The following FANCA variants were observed in gnomAD, a reference collection of about 807,000 sequenced individuals.
FANCA encodes Fanconi anemia group A protein.
FANCA carries 236 observed loss-of-function variants against 194.3 expected under a neutral mutation model. That is an observed-to-expected ratio of 1.21 (90% confidence interval 1.09 to 1.35). The LOEUF (loss-of-function observed/expected upper bound fraction) is 1.35, where lower values mean the gene tolerates loss of function less well. Ranked by LOEUF, FANCA falls within the 40% of genes most tolerant of loss-of-function variation. The probability of loss-of-function intolerance (pLI) is 0.00; values close to 1 mark genes in which losing one functional copy is unlikely to be tolerated. For missense variants in FANCA, 2,628 were observed against 1,813.9 expected (o/e 1.45, Z -8.15); for synonymous variants, 1,014 against 715.8 (o/e 1.42, Z -6.65).
chr16:89,783,758 G>A (rs2039803220), intron 15 of FANCA, among the ~76,000 whole-genome samples: 1 of 151,954 alleles, frequency 6.6e-6, no homozygotes, highest in African/African-American at 2.4e-5. Context: ...GGACAGAGGG[G>A]ACACAGCGTG....
At chr16:89,762,173 A>G (rs1771723476) in intron 28 of FANCA, 151 bp from the exon 29 acceptor site, 1 of 713,240 alleles carries the variant, frequency 1.4e-6, no homozygotes, top group African/African-American at 1.7e-5. Flanking sequence ...CACAGGAAAG[A>G]AACCTTAGTT....
rs55827051 is a variant in FANCA, at chr16:89,779,207, G to C, written c.1716-204C>G. Reference sequence around the variant, plus strand: ...CCCAGCCCTGAGTCCGTGGGAATCAGGACCACATTCGGCCTGCTCCCTGGG... The same window carrying C: ...CCCAGCCCTGAGTCCGTGGGAATCACGACCACATTCGGCCTGCTCCCTGGG... On this transcript the variant is annotated intron_variant, in intron 18 of 42. Coordinates refer to ENST00000389301, the MANE Select transcript of FANCA (RefSeq NM_000135.4). Among the ~76,000 whole-genome samples, 842 of 152,254 alleles carry C rather than the reference G, an allele frequency of 5.5e-3. 6 individuals are homozygous for C. The highest frequency in any genetic ancestry group is 0.02 in the African/African-American group (814 of 41,560).
chr16:89,776,237 G>A (rs1310294011), intron 20 of FANCA, among the ~76,000 whole-genome samples: 2 of 135,668 alleles, frequency 1.5e-5, no homozygotes, highest in African/African-American at 2.8e-5. Context: ...GTGCGATCTC[G>A]GCTCACTGCA....
chr16:89,741,970 A>C (rs1228744204), intron 37 of FANCA, among the ~76,000 whole-genome samples: 1 of 149,336 alleles, frequency 6.7e-6, no homozygotes, highest in African/African-American at 2.6e-5. Flanking sequence ...TACTTTAAAC[A>C]AATTTTTTTT....
At chr16:89,744,094 C>A (rs1469689697) in intron 36 of FANCA, among the ~76,000 whole-genome samples, 10 of 152,116 alleles carry the variant, frequency 6.6e-5, no homozygotes. Context: ...GATTGTTTCA[C>A]ATGTTGGCCA....
intron 29 of FANCA, among the ~76,000 whole-genome samples, chr16:89,759,636 C>A (rs2038882459): frequency 6.6e-6 from 1 of 152,120 alleles, no homozygotes; most frequent in Admixed American, 6.6e-5. Context: ...TAGTGCCCAC[C>A]TGTGGTCCCA....
At chr16:89,772,550 G>A (rs2039361960) in intron 22 of FANCA, among the ~76,000 whole-genome samples, 1 of 151,546 alleles carries the variant, frequency 6.6e-6, no homozygotes, top group African/African-American at 2.4e-5. Flanking sequence ...AGGCACGGTG[G>A]CTCACACTGA....
At chr16:89,763,651 C>G (rs1044237590) in intron 28 of FANCA, among the ~76,000 whole-genome samples, 1 of 151,842 alleles carries the variant, frequency 6.6e-6, no homozygotes, top group Non-Finnish European at 1.5e-5. Flanking sequence ...AAAACAAGTT[C>G]CCAGGGGCCG....
chr16:89,781,243 A>G (rs1035936065), intron 17 of FANCA, among the ~76,000 whole-genome samples: 1 of 150,276 alleles, frequency 6.7e-6, no homozygotes, highest in Non-Finnish European at 1.5e-5. Context: ...GGGTGCCTGT[A>G]GTCCCAGCTA....
rs1326963514 is a variant in FANCA, at chr16:89,816,566, C to T, written c.50G>A (p.Gly17Asp). The T allele has an allele frequency of 3.3e-6, 5 of 1,513,120 alleles. No individual in the cohort carries two copies. The African/African-American group carries it at 4.3e-5, about 13-fold the overall frequency. 93.7% of individuals were successfully genotyped at this position (1,513,120 alleles called of 1,614,324 possible). The change falls in exon 1 of 43, where the codon GGC (glycine) becomes GAC (aspartate). Residue 17 changes from glycine to aspartate, a missense_variant. Transcript: ENST00000389301. ...CAGCTCGGCCCAGGCCCTCCGGCGG[C>T]CCCCTGGGTCCTGGCCCGAGGCGGA... ...PNSASGQDPG[G>D]RRRAWAELLA...
intron 14 of FANCA, among the ~76,000 whole-genome samples, chr16:89,790,073 G>A (rs17746039): frequency 6.6e-6 from 1 of 152,154 alleles, no homozygotes; most frequent in Non-Finnish European, 1.5e-5. Flanking sequence ...TACGGCTGAA[G>A]AAATGAAGTA....
intron 15 of FANCA, among the ~76,000 whole-genome samples, chr16:89,783,569 A>C (rs2283567): frequency 0.074 from 11,137 of 151,488 alleles, 588 homozygotes; most frequent in East Asian, 0.22. Flanking sequence ...AAAACAACAA[A>C]AAAAAAACAC....
At chr16:89,810,267 G>A (rs2040825091) in intron 5 of FANCA, among the ~76,000 whole-genome samples, 1 of 150,028 alleles carries the variant, frequency 6.7e-6, no homozygotes, top group African/African-American at 2.5e-5. Context: ...GGCTTGCAGT[G>A]AGCCAAGATC....
chr16:89,741,134 C>T (rs773973714), intron 37 of FANCA, among the ~76,000 whole-genome samples: 3 of 152,322 alleles, frequency 2.0e-5, no homozygotes, highest in African/African-American at 7.2e-5. Flanking sequence ...AAGACTGCTG[C>T]GGTCTCCTTG....
intron 21 of FANCA, among the ~76,000 whole-genome samples, chr16:89,773,953 T>A (rs1191375485): frequency 6.6e-6 from 1 of 151,970 alleles, no homozygotes; most frequent in Non-Finnish European, 1.5e-5. Flanking sequence ...GTATTTTTAG[T>A]AGAGACGGGA....
chr16:89,789,772 A>C (rs1294168851), intron 14 of FANCA, among the ~76,000 whole-genome samples: 1 of 151,700 alleles, frequency 6.6e-6, no homozygotes, highest in African/African-American at 2.4e-5. Context: ...TTAGCTCTTC[A>C]AATGGAAACT....
chr16:89,752,536 T>C (rs988169613), intron 30 of FANCA, among the ~76,000 whole-genome samples: 4 of 152,176 alleles, frequency 2.6e-5, no homozygotes, highest in Admixed American at 2.6e-4. Context: ...AAAACAAGAA[T>C]AGTTATACCA....
chr16:89,809,286 G>A (rs2040786462), intron 5 of FANCA, among the ~76,000 whole-genome samples: 1 of 152,074 alleles, frequency 6.6e-6, no homozygotes, highest in Admixed American at 6.6e-5. Context: ...CATCTTCTTC[G>A]CAAATCTGTG....
intron 21 of FANCA, among the ~76,000 whole-genome samples, chr16:89,774,732 A>AAAAAAAAAAAAAAAC (rs2039441153): frequency 7.0e-6 from 1 of 142,210 alleles, no homozygotes; most frequent in Non-Finnish European, 1.5e-5. Flanking sequence ...TCTGTCTCAA[A>AAAAAAAAAAAAAAAC]AAAAAAAAAA....
Sources: gnomAD v4.1 joint callset for allele counts (sites outside exome capture counted in the v4.1 genomes callset) on GRCh38, gnomAD v4.1.1 for gene constraint, MANE v1.5 for transcripts, NCBI Gene and HGNC (gene_info 2026-07-23, HGNC 2026-07-21) for gene names.